Variants in MYZAP observed in about 807,000 individuals in gnomAD.
MYZAP encodes myocardial zonula adherens protein.
MYZAP carries 66 observed loss-of-function variants against 69.4 expected under a neutral mutation model. That is an observed-to-expected ratio of 0.95 (90% confidence interval 0.78 to 1.17). The LOEUF (loss-of-function observed/expected upper bound fraction) is 1.17, where lower values mean the gene tolerates loss of function less well. Ranked by LOEUF, MYZAP falls within the 50% of genes most tolerant of loss-of-function variation. The pLI is 0.00. For synonymous variants in MYZAP, 256 were observed against 205.9 expected, an observed-to-expected ratio of 1.24 and a Z score of -2.09; for missense variants, 611 against 556.2, an observed-to-expected ratio of 1.10 and a Z score of -0.99.
intron 1 of MYZAP, among the ~76,000 whole-genome samples, chr15:57,603,557 T>C (rs2034552373): frequency 6.6e-6 from 1 of 152,264 alleles, no homozygotes; most frequent in African/African-American, 2.4e-5. Context: ...TTACTCCTGG[T>C]ACCTCATCTA....
chr15:57,645,836 A>T (rs2037415818), intron 10 of MYZAP, among the ~76,000 whole-genome samples: 1 of 152,204 alleles, frequency 6.6e-6, no homozygotes, highest in Admixed American at 6.5e-5. Flanking sequence ...TTTCTAGCTT[A>T]GCCATCAATC....
chr15:57,598,348 G>T (rs1407517830), intron 1 of MYZAP, among the ~76,000 whole-genome samples: 3 of 152,138 alleles, frequency 2.0e-5, no homozygotes, highest in African/African-American at 7.2e-5. Context: ...TTCCCAGGGG[G>T]GTTGGTTTCA....
intron 5 of MYZAP, among the ~76,000 whole-genome samples, chr15:57,628,833 C>G (rs2036314280): frequency 2.0e-5 from 3 of 151,948 alleles, no homozygotes; most frequent in Admixed American, 1.3e-4. Flanking sequence ...GCCTGTAATC[C>G]CAGCACTTTG....
At chr15:57,634,846 T>C (rs1358384668) in intron 8 of MYZAP, among the ~76,000 whole-genome samples, 1 of 152,206 alleles carries the variant, frequency 6.6e-6, no homozygotes, top group Non-Finnish European at 1.5e-5. Flanking sequence ...GTGATTGGCT[T>C]AGTCAGGACT....
At position 57,643,859 on chromosome 15, in the gene MYZAP, G is replaced by A. The variant is rs535173670; in HGVS notation, c.1119+4314G>A. The stretch of plus-strand genomic sequence containing the variant: ...ATATAGGAAATGTTTCTTCCAACAG[G>A]GTCTGAAGGGAGTTTCTTTTCATTT... On this transcript the variant is annotated intron_variant, in intron 10 of 12. Transcript: ENST00000267853. 5.9e-5 allele frequency among the ~76,000 whole-genome samples: 9 copies of A among 152,126 alleles called. No individual in the cohort carries two copies. The East Asian group carries it at 1.7e-3, about 29-fold the overall frequency.
intron 2 of MYZAP, among the ~76,000 whole-genome samples, chr15:57,612,383 C>A (rs147865730): frequency 6.6e-6 from 1 of 152,286 alleles, no homozygotes; most frequent in East Asian, 1.9e-4. Flanking sequence ...AGCTGCATTT[C>A]TGCTCTTATT....
intron 11 of MYZAP, among the ~76,000 whole-genome samples, chr15:57,668,436 A>G (rs1453665388): frequency 6.6e-6 from 1 of 152,156 alleles, no homozygotes; most frequent in Non-Finnish European, 1.5e-5. Flanking sequence ...CCTAACCCAG[A>G]CCTAGTATTG....
intron 2 of MYZAP, among the ~76,000 whole-genome samples, chr15:57,605,131 C>G (rs569545874): frequency 1.2e-4 from 19 of 152,226 alleles, no homozygotes; most frequent in African/African-American, 4.6e-4. Context: ...GGGGCACCTA[C>G]TGTATTCCAG....
chr15:57,645,222 A>AT (rs1302692869), intron 10 of MYZAP, among the ~76,000 whole-genome samples: 3 of 152,120 alleles, frequency 2.0e-5, no homozygotes, highest in East Asian at 1.9e-4. Flanking sequence ...CATCTCTTAG[A>AT]TTTTTTTTAA....
At position 57,674,983 on chromosome 15, in the gene MYZAP, A is replaced by G. The variant is rs748932647; in HGVS notation, c.1219A>G (p.Ser407Gly). Residue 407 changes from serine to glycine, a missense_variant, in exon 12 of 13, where the codon AGC (serine) becomes GGC (glycine). Physicochemically the swap from Ser to Gly is moderately conservative, Grantham distance 56 (BLOSUM62 0). Transcript: ENST00000267853. The stretch of plus-strand genomic sequence containing the variant: ...TCATCTCCAGAATAATGAACTACAA[A>G]GCAGGTTGGACTATTTAACAGAAAC... ...FLEGENNELQ[S>G]RLDYLTETQA... is the part of the protein sequence containing the mutation. 3 of 1,613,496 alleles carry G rather than the reference A, an allele frequency of 1.9e-6. No homozygotes were observed. The highest frequency in any genetic ancestry group is 2.5e-6 in the Non-Finnish European group (3 of 1,179,572).
At chr15:57,656,597 G>A (rs980026493) in intron 10 of MYZAP, among the ~76,000 whole-genome samples, 1 of 152,146 alleles carries the variant, frequency 6.6e-6, no homozygotes, top group African/African-American at 2.4e-5. Flanking sequence ...TATTTTAGAA[G>A]CTGAGTGCGT....
intron 10 of MYZAP, among the ~76,000 whole-genome samples, chr15:57,645,375 C>T (rs1349592085): frequency 2.6e-5 from 4 of 152,334 alleles, no homozygotes; most frequent in South Asian, 2.1e-4. Context: ...CAAGGCTTTA[C>T]ATTACTAGTC....
At chr15:57,646,321 A>T (rs2037444877) in intron 10 of MYZAP, 1 of 1,204,364 alleles carries the variant, frequency 8.3e-7, no homozygotes, top group African/African-American at 1.6e-5. Flanking sequence ...CAGGAAGGAC[A>T]TATTATTTAA....
intron 1 of MYZAP, 56 bp downstream of exon 1, chr15:57,592,165 C>A: frequency 3.2e-6 from 4 of 1,260,834 alleles, no homozygotes; most frequent in Non-Finnish European, 4.0e-6. Flanking sequence ...CGGCCGCCCC[C>A]TCTAGAGGGG....
chr15:57,672,345 T>G (rs968926671), intron 11 of MYZAP, among the ~76,000 whole-genome samples: 1 of 152,220 alleles, frequency 6.6e-6, no homozygotes, highest in Admixed American at 6.5e-5. Context: ...AGAAAAATAA[T>G]AAAACACGGA....
intron 3 of MYZAP, among the ~76,000 whole-genome samples, chr15:57,620,267 A>G (rs1221840118): frequency 6.6e-6 from 1 of 152,212 alleles, no homozygotes; most frequent in Non-Finnish European, 1.5e-5. Flanking sequence ...AATATCCAGT[A>G]ACCCCTAATA....
chr15:57,678,486 G>A (rs1027877448), intron 12 of MYZAP, among the ~76,000 whole-genome samples: 2 of 152,126 alleles, frequency 1.3e-5, no homozygotes, highest in Non-Finnish European at 1.5e-5. Flanking sequence ...GATTTTCTAT[G>A]TAGAACACTA....
At chr15:57,643,569 C>T (rs1224591040) in intron 10 of MYZAP, among the ~76,000 whole-genome samples, 2 of 152,194 alleles carry the variant, frequency 1.3e-5, no homozygotes, top group East Asian at 3.9e-4. Context: ...TTTACCTGCT[C>T]TCACCATGGC....
rs755982897 is a variant in MYZAP, at chr15:57,647,045, C to T, written c.1119+7500C>T. The stretch of plus-strand genomic sequence containing the variant: ...TCTACATAAGCTGGGAGATGGGGCT[C>T]GTGGAGTGAGTGCGTTCAGAGGCCC... On this transcript the variant is annotated intron_variant, in intron 10 of 12. Coordinates refer to ENST00000267853, the MANE Select transcript of MYZAP (RefSeq NM_001018100.5). The T allele has an allele frequency of 2.0e-4, 194 of 985,180 alleles. 3 individuals carry two copies. The highest frequency in any genetic ancestry group is 5.2e-4 in the Middle Eastern group (1 of 1,936). 61.0% of individuals were successfully genotyped at this position (985,180 alleles called of 1,614,324 possible).
Sources: allele counts gnomAD v4.1 joint callset (sites outside exome capture counted in the v4.1 genomes callset), GRCh38; gene constraint gnomAD v4.1.1; transcripts MANE v1.5; gene names NCBI Gene and HGNC (gene_info 2026-07-23, HGNC 2026-07-21).